The following WDR27 variants were observed in gnomAD, a reference collection of about 807,000 sequenced individuals.
The protein encoded by WDR27 is WD repeat domain 27, also known as WD repeat-containing protein 27.
A neutral mutation model predicts 114.4 loss-of-function variants in WDR27; 100 were observed. The ratio of observed to expected loss-of-function variants is 0.87; its 90% CI spans 0.74 to 1.03. The LOEUF (loss-of-function observed/expected upper bound fraction) is 1.03. Ranked by LOEUF, WDR27 falls within the 50% of genes least tolerant of loss-of-function variation. The pLI, the probability that WDR27 is intolerant of heterozygous loss-of-function variation, is 0.00. For missense variants in WDR27, 1,129 were observed against 1,092.9 expected, an observed-to-expected ratio of 1.03 and a Z score of -0.47; for synonymous variants, 449 against 423.1, an observed-to-expected ratio of 1.06 and a Z score of -0.75.
chr6:169,682,318 C>G (rs1781754674), intron 2 of WDR27, among the ~76,000 whole-genome samples: 1 of 152,198 alleles, frequency 6.6e-6, no homozygotes, highest in Non-Finnish European at 1.5e-5. Context: ...CATTCCTCAC[C>G]TGTGCAGAGA....
chr6:169,665,667 T>TTAGTA (rs1827660098), intron 6 of WDR27, 111 bp from the exon 7 acceptor site: 3 of 1,024,592 alleles, frequency 2.9e-6, no homozygotes, highest in Admixed American at 3.0e-5. Flanking sequence ...TTACAGTATT[T>TTAGTA]CTGTTAGTCA....
At chr6:169,585,216 C>T (rs1804308560) in intron 23 of WDR27, among the ~76,000 whole-genome samples, 1 of 152,144 alleles carries the variant, frequency 6.6e-6, no homozygotes, top group Non-Finnish European at 1.5e-5. Context: ...AGTGGAAAAG[C>T]ACCTCAATAT....
chr6:169,504,220 G>A (rs1791714890), intron 25 of WDR27, among the ~76,000 whole-genome samples: 1 of 152,144 alleles, frequency 6.6e-6, no homozygotes, highest in Non-Finnish European at 1.5e-5. Flanking sequence ...ATAATAAAAT[G>A]TTAAGATACA....
At chr6:169,546,385 C>A (rs1289948251) in intron 25 of WDR27, among the ~76,000 whole-genome samples, 1 of 152,174 alleles carries the variant, frequency 6.6e-6, no homozygotes, top group Non-Finnish European at 1.5e-5. Context: ...GGCTCCAGCT[C>A]CCACAGGAAG....
intron 25 of WDR27, among the ~76,000 whole-genome samples, chr6:169,507,647 C>G (rs1792179364): frequency 6.6e-6 from 1 of 152,330 alleles, no homozygotes; most frequent in South Asian, 2.1e-4. Context: ...CAAACTATGG[C>G]TCATGAAACA....
At chr6:169,449,491 G>A in the WDR27 span, among the ~76,000 whole-genome samples, 5 of 152,204 alleles carry the variant, frequency 3.3e-5, no homozygotes, top group East Asian at 3.9e-4. Flanking sequence ...GGAACACGTC[G>A]ACCCTAGGCA....
At chr6:169,437,803 T>C in the WDR27 span, among the ~76,000 whole-genome samples, 2 of 152,230 alleles carry the variant, frequency 1.3e-5, no homozygotes, top group Admixed American at 6.5e-5. Flanking sequence ...TTGCAATTTT[T>C]TTTTAAGTTA....
At chr6:169,426,800 CAG>C in the WDR27 span, 1 of 152,640 alleles carries the variant, frequency 6.6e-6, no homozygotes, top group African/African-American at 2.4e-5. Flanking sequence ...GCATAGGACA[CAG>C]AGGTGTGAGG....
chr6:169,582,056 C>T (rs879633266), intron 24 of WDR27, among the ~76,000 whole-genome samples: 5 of 152,198 alleles, frequency 3.3e-5, no homozygotes, highest in Admixed American at 6.5e-5. Context: ...TCACTGCAAC[C>T]GCCGCCTCCC....
intron 14 of WDR27, 67 bp downstream of exon 14, chr6:169,651,863 T>G: frequency 7.2e-7 from 1 of 1,398,280 alleles, no homozygotes; most frequent in South Asian, 1.2e-5. Flanking sequence ...GTGTCCCTAT[T>G]TGTGTTAAAA....
At chr6:169,538,483 T>A (rs983025663) in intron 25 of WDR27, among the ~76,000 whole-genome samples, 2 of 152,136 alleles carry the variant, frequency 1.3e-5, no homozygotes, top group East Asian at 3.9e-4. Context: ...AGAACGGATA[T>A]CCCACCTTTC....
chr6:169,660,204 TG>T (rs1825673441), intron 10 of WDR27, among the ~76,000 whole-genome samples: 2 of 11,064 alleles, frequency 1.8e-4, no homozygotes, highest in Non-Finnish European at 4.0e-4. Context: ...GGGGAGGGGG[TG>T]GGGGTGGAGG....
At chr6:169,609,901 G>A (rs1810113346) in intron 22 of WDR27, among the ~76,000 whole-genome samples, 1 of 152,126 alleles carries the variant, frequency 6.6e-6, no homozygotes, top group Admixed American at 6.5e-5. Context: ...ACACTTTGCT[G>A]CTTAGAAATT....
the WDR27 span, among the ~76,000 whole-genome samples, chr6:169,448,488 T>C: frequency 6.6e-6 from 1 of 152,020 alleles, no homozygotes; most frequent in South Asian, 2.1e-4. Context: ...AGGAGTATGA[T>C]GTGCAAGGCA....
At chr6:169,574,537 G>C (rs965919922) in intron 24 of WDR27, among the ~76,000 whole-genome samples, 1 of 152,178 alleles carries the variant, frequency 6.6e-6, no homozygotes, top group Non-Finnish European at 1.5e-5. Context: ...TCCGCCCCAG[G>C]TGACACACTC....
intron 24 of WDR27, among the ~76,000 whole-genome samples, chr6:169,573,714 ATC>A (rs1801814698): frequency 6.6e-6 from 1 of 152,226 alleles, no homozygotes; most frequent in African/African-American, 2.4e-5. Context: ...AATAAATTAT[ATC>A]TCTGTGTATC....
intron 25 of WDR27, among the ~76,000 whole-genome samples, chr6:169,538,070 T>C (rs1253615652): frequency 2.0e-5 from 3 of 151,988 alleles, no homozygotes; most frequent in Non-Finnish European, 4.4e-5. Flanking sequence ...AGATAAGCCG[T>C]GAGCTGACAA....
chr6:169,607,760 A>T (rs1809547598), intron 22 of WDR27, among the ~76,000 whole-genome samples: 2 of 152,108 alleles, frequency 1.3e-5, no homozygotes, highest in African/African-American at 2.4e-5. Context: ...TTACACTTGC[A>T]CCTCCTAAAT....
intron 25 of WDR27, among the ~76,000 whole-genome samples, chr6:169,529,317 G>GGA (rs1795315742): frequency 7.1e-6 from 1 of 141,046 alleles, no homozygotes; most frequent in Non-Finnish European, 1.6e-5. Flanking sequence ...CTCTGCGGGG[G>GGA]GGGGGGGCAG....
Sources: allele counts gnomAD v4.1 joint callset (sites outside exome capture counted in the v4.1 genomes callset), GRCh38; gene constraint gnomAD v4.1.1; transcripts MANE v1.5; gene names NCBI Gene and HGNC (gene_info 2026-07-23, HGNC 2026-07-21).